The following WNT3A variants were observed in gnomAD, a reference collection of about 807,000 sequenced individuals.
The protein encoded by WNT3A is Wnt family member 3A, also known as protein Wnt-3a.
A neutral mutation model predicts 37.0 loss-of-function variants in WNT3A; 17 were observed. The observed-to-expected ratio is 0.46, with a 90% CI of 0.31 to 0.69. The LOEUF (loss-of-function observed/expected upper bound fraction) is 0.69. WNT3A is among the 30% of genes least tolerant of loss of function. The pLI is 0.05. For missense variants in WNT3A, 411 were observed against 510.2 expected (o/e 0.81, Z 1.87); for synonymous variants, 187 against 211.0 (o/e 0.89, Z 0.99).
chr1:228,021,041 ATTTTGTAC>A (rs2102764481), intron 1 of WNT3A, among the ~76,000 whole-genome samples: 1 of 152,330 alleles, frequency 6.6e-6, no homozygotes, highest in East Asian at 1.9e-4. Context: ...ATTGAGGTGT[ATTTTGTAC>A]AGCAAAATGG....
intron 1 of WNT3A, among the ~76,000 whole-genome samples, chr1:228,014,710 G>A (rs369386342): frequency 4.6e-5 from 7 of 152,368 alleles, no homozygotes; most frequent in East Asian, 3.9e-4. Flanking sequence ...GGAGGCCAGC[G>A]TGGCCCGGAC....
At chr1:228,036,305 G>T (rs1267010609) in intron 2 of WNT3A, among the ~76,000 whole-genome samples, 1 of 152,134 alleles carries the variant, frequency 6.6e-6, no homozygotes, top group Non-Finnish European at 1.5e-5. Flanking sequence ...CGTGTGCATT[G>T]TGAGGGGTGC....
intron 2 of WNT3A, among the ~76,000 whole-genome samples, chr1:228,024,193 T>C (rs1285970322): frequency 6.6e-6 from 1 of 152,264 alleles, no homozygotes; most frequent in African/African-American, 2.4e-5. Context: ...TAATTCTGTT[T>C]CGCTTTGCTT....
At chr1:228,051,289 C>T (rs903496239) in intron 3 of WNT3A, among the ~76,000 whole-genome samples, 2 of 151,946 alleles carry the variant, frequency 1.3e-5, no homozygotes, top group Non-Finnish European at 2.9e-5. Flanking sequence ...TCAAGGACAG[C>T]TGGCAGTAAT....
intron 2 of WNT3A, among the ~76,000 whole-genome samples, chr1:228,045,637 A>C (rs1416236094): frequency 6.6e-6 from 1 of 152,202 alleles, no homozygotes; most frequent in Non-Finnish European, 1.5e-5. Context: ...AGGCCCCTCC[A>C]GGCCTGTCTG....
intron 3 of WNT3A, among the ~76,000 whole-genome samples, chr1:228,053,042 GTCTC>G (rs376172054): frequency 2.0e-5 from 3 of 151,300 alleles, no homozygotes; most frequent in East Asian, 1.9e-4. Context: ...GCAGAAGAGG[GTCTC>G]TCTCTCTCTC....
chr1:228,021,945 G>A lies in WNT3A; in HGVS notation c.72-722G>A, dbSNP rs576198942. On this transcript the variant is annotated intron_variant, in intron 1 of 3. Transcript: ENST00000284523. ...ATGCAGTTGTGCTGAGCAGGAATGC[G>A]GGGCTGCATCATTTCCTGTTACAGA... 6.6e-5 allele frequency among the ~76,000 whole-genome samples: 10 copies of A among 152,326 alleles called. No homozygotes were observed. The South Asian group carries it at 1.7e-3, about 25-fold the overall frequency.
chr1:228,020,788 C>T (rs906370187), intron 1 of WNT3A, among the ~76,000 whole-genome samples: 9 of 152,030 alleles, frequency 5.9e-5, no homozygotes, highest in Non-Finnish European at 1.2e-4. Context: ...TGGGGATGCA[C>T]GTGGGGTCTG....
Position 228,060,095 on chromosome 1 carries a change from G to A in WNT3A, c.*630G>A, listed in dbSNP as rs370423443. On this transcript the variant is annotated 3_prime_UTR_variant, in exon 4 of 4. Transcript: ENST00000284523. ...GCGTGGCCTGCATAGGCTCCTTCCT[G>A]TGGGTGGGGCTTCTCTGGGACCAGG... 13 of 1,259,758 alleles carry A rather than the reference G, an allele frequency of 1.0e-5. No homozygotes were observed. In the African/African-American group the frequency reaches 1.2e-4, roughly 12 times the overall value. 78.0% of individuals were successfully genotyped at this position (1,259,758 alleles called of 1,614,324 possible).
intron 2 of WNT3A, among the ~76,000 whole-genome samples, chr1:228,035,720 G>A (rs930580415): frequency 2.0e-5 from 3 of 152,170 alleles, no homozygotes; most frequent in African/African-American, 7.2e-5. Flanking sequence ...GGGTTGGGGC[G>A]GGGAGCCCCC....
chr1:228,035,383 C>T (rs2031113000), intron 2 of WNT3A, among the ~76,000 whole-genome samples: 1 of 152,170 alleles, frequency 6.6e-6, no homozygotes. Context: ...AGGGGACAGC[C>T]CATGCCAAGG....
chr1:228,033,984 A>G (rs1428450948), intron 2 of WNT3A, among the ~76,000 whole-genome samples: 4 of 152,208 alleles, frequency 2.6e-5, no homozygotes, highest in African/African-American at 7.2e-5. Flanking sequence ...AAATGAGGCC[A>G]GGTGCAGTGG....
intron 2 of WNT3A, among the ~76,000 whole-genome samples, chr1:228,026,447 CT>C (rs1448222952): frequency 6.6e-6 from 1 of 152,014 alleles, no homozygotes; most frequent in South Asian, 2.1e-4. Context: ...TTCTTTCTTT[CT>C]TTTTATTTAT....
chr1:228,044,947 T>G (rs963997788), intron 2 of WNT3A, among the ~76,000 whole-genome samples: 24 of 152,306 alleles, frequency 1.6e-4, no homozygotes, highest in Admixed American at 5.9e-4. Flanking sequence ...ACGAGTGAAT[T>G]GAAGGCCTGC....
intron 2 of WNT3A, among the ~76,000 whole-genome samples, chr1:228,044,856 C>A (rs1392828509): frequency 6.6e-6 from 1 of 152,254 alleles, no homozygotes; most frequent in Admixed American, 6.5e-5. Flanking sequence ...TTGCAGCCTG[C>A]AGCTTCTACT....
chr1:228,056,634 G>A (rs1193009045), intron 3 of WNT3A, among the ~76,000 whole-genome samples: 6 of 152,156 alleles, frequency 3.9e-5, no homozygotes, highest in African/African-American at 1.4e-4. Flanking sequence ...AAACAAGGCA[G>A]GAAGCTTCCT....
rs2030214295 is a variant in WNT3A at position 228,007,066 on chromosome 1, G to A, written c.-63G>A. 1.5e-6 allele frequency: 2 copies of A among 1,301,082 alleles called. No homozygotes were observed. The highest frequency in any genetic ancestry group is 1.6e-5 in the African/African-American group (1 of 63,546). The allele number at this position is 1,301,082 out of a possible 1,614,324, so 80.6% of individuals were successfully genotyped here. ...CCGCCGCGCCAGCTCCCAGGGCCCG[G>A]CCCCCCCCGGCGCTCACGCTCTCGG... On this transcript the variant is annotated 5_prime_UTR_variant, in exon 1 of 4. Coordinates refer to ENST00000284523, the MANE Select transcript of WNT3A (RefSeq NM_033131.4). This position sits in a 1 kb window ranked among gnomAD's most constrained non-coding sequence, Gnocchi z 6.0.
chr1:228,016,448 G>A (rs1023505302), intron 1 of WNT3A, among the ~76,000 whole-genome samples: 7 of 152,094 alleles, frequency 4.6e-5, no homozygotes, highest in East Asian at 1.9e-4. Context: ...AGGTGCAACT[G>A]TTAGGGCCAC....
chr1:228,024,458 T>C (rs1745414), intron 2 of WNT3A, among the ~76,000 whole-genome samples: 1 of 152,062 alleles, frequency 6.6e-6, no homozygotes, highest in South Asian at 2.1e-4. Flanking sequence ...GGGCCATTTG[T>C]AGACCTTCTT....
Sources: gnomAD v4.1 joint callset for allele counts (sites outside exome capture counted in the v4.1 genomes callset) on GRCh38, gnomAD v4.1.1 for gene constraint, Gnocchi (gnomAD v3.1) non-coding constraint, MANE v1.5 for transcripts, NCBI Gene and HGNC (gene_info 2026-07-23, HGNC 2026-07-21) for gene names.